The following SHTN1 variants were observed in gnomAD, a reference collection of about 807,000 sequenced individuals.
SHTN1 encodes the protein shootin-1.
A neutral mutation model predicts 83.1 loss-of-function variants in SHTN1; 42 were observed. The ratio of observed to expected loss-of-function variants is 0.51; its 90% CI spans 0.39 to 0.65. SHTN1 has a LOEUF of 0.65. SHTN1 is among the 30% of genes least tolerant of loss of function. The pLI is 0.00. For synonymous variants in SHTN1, 224 were observed against 247.7 expected, an observed-to-expected ratio of 0.90 and a Z score of 0.90; for missense variants, 622 against 737.8, an observed-to-expected ratio of 0.84 and a Z score of 1.82.
At chr10:116,959,439 A>C (rs1487002315) in intron 4 of SHTN1, among the ~76,000 whole-genome samples, 1 of 152,160 alleles carries the variant, frequency 6.6e-6, no homozygotes, top group African/African-American at 2.4e-5. Flanking sequence ...TGGGTGATGG[A>C]GGGGAGGGAA....
intron 16 of SHTN1, among the ~76,000 whole-genome samples, chr10:116,888,251 C>T (rs565176435): frequency 1.5e-4 from 23 of 152,346 alleles, no homozygotes; most frequent in African/African-American, 4.8e-4. Context: ...CTCCAGACAT[C>T]TGCCGCTATG....
intron 1 of SHTN1, among the ~76,000 whole-genome samples, chr10:117,085,755 C>T (rs1406480265): frequency 1.3e-5 from 2 of 152,136 alleles, no homozygotes; most frequent in African/African-American, 4.8e-5. Flanking sequence ...GTCTATTTCT[C>T]TTTGCAGTTC....
At chr10:116,894,934 T>C (rs574841067) in intron 16 of SHTN1, among the ~76,000 whole-genome samples, 5 of 152,308 alleles carry the variant, frequency 3.3e-5, no homozygotes, top group Admixed American at 3.3e-4. Flanking sequence ...CTTACCTCTT[T>C]CTCCATACTG....
chr10:116,979,079 A>G (rs1490898174), intron 2 of SHTN1, among the ~76,000 whole-genome samples, 177 bp downstream of exon 2: 1 of 152,184 alleles, frequency 6.6e-6, no homozygotes, highest in Non-Finnish European at 1.5e-5. Flanking sequence ...ATTCTTTACC[A>G]TCTGGAGCCT....
chr10:117,080,966 C>T lies in SHTN1; in HGVS notation c.-188-32456G>A, dbSNP rs370369206. ...CAATGGGGTTTTCTAGATATACAATCATGTCATCTGCAAACAGGGACAATT... is the reference window on the plus strand; with the variant it reads ...CAATGGGGTTTTCTAGATATACAATTATGTCATCTGCAAACAGGGACAATT... On this transcript the variant is annotated intron_variant, in intron 1 of 17. Coordinates refer to the SHTN1 transcript ENST00000392901. 2.8e-4 allele frequency among the ~76,000 whole-genome samples: 43 copies of T among 150,966 alleles called. 2 individuals carry two copies. In the South Asian group the frequency reaches 8.7e-3, roughly 30 times the overall value.
At position 116,948,974 on chromosome 10, in the gene SHTN1, C is replaced by T. The variant is rs772929190; in HGVS notation, c.558G>A (p.Lys186=). 2.6e-6 allele frequency: 4 copies of T among 1,565,684 alleles called. No homozygotes were observed. Among genetic ancestry groups the T allele is most frequent in the Non-Finnish European group, 3.5e-6 (4 of 1,156,546 alleles). The change falls in exon 7 of 17, where the codon AAG becomes AAA. Residue 186 remains lysine, a synonymous_variant. Coordinates refer to ENST00000355371, the MANE Select transcript of SHTN1 (RefSeq NM_001127211.3). The part of the protein sequence containing the change: ...IEEVNKVKQE[K]TVLNSEVLEQ... ...CAAGAACTTCTGAATTTAAAACAGT[C>T]TTTTCTTGTTTAACTTTATTTACCT...
At chr10:117,074,794 G>A (rs945072546) in intron 1 of SHTN1, among the ~76,000 whole-genome samples, 5 of 152,166 alleles carry the variant, frequency 3.3e-5, no homozygotes, top group African/African-American at 9.7e-5. Context: ...AAGAAGTCCA[G>A]GGACAATAAA....
rs538784183 is a variant in SHTN1 at position 116,954,279 on chromosome 10, G to A, written c.268-69C>T. Reference sequence around the variant, plus strand: ...GAGTATCTTGGATTTTTAAACAATAGACAAATTAAGTATATTTTTGTCTTA... The same window carrying A: ...GAGTATCTTGGATTTTTAAACAATAAACAAATTAAGTATATTTTTGTCTTA... On this transcript the variant is annotated intron_variant, in intron 4 of 16. Transcript: ENST00000355371. The A allele has an allele frequency of 1.1e-3, 1,094 of 998,246 alleles. 23 individuals carry two copies. In the South Asian group the frequency reaches 0.018, roughly 16 times the overall value. 61.8% of individuals were successfully genotyped at this position (998,246 alleles called of 1,614,324 possible).
chr10:116,905,287 C>T (rs1847926210), intron 15 of SHTN1, among the ~76,000 whole-genome samples: 1 of 151,472 alleles, frequency 6.6e-6, no homozygotes, highest in East Asian at 1.9e-4. Flanking sequence ...GACTCAAGCA[C>T]TGATTAAGTC....
chr10:117,034,598 AC>A (rs1276592724), intron 2 of SHTN1, among the ~76,000 whole-genome samples: 1 of 152,028 alleles, frequency 6.6e-6, no homozygotes, highest in Admixed American at 6.6e-5. Context: ...CTGAGATTGT[AC>A]CACTGAACTC....
chr10:117,054,366 C>T (rs9787575), intron 1 of SHTN1, among the ~76,000 whole-genome samples: 18,431 of 151,722 alleles, frequency 0.12, 1,383 homozygotes, highest in Admixed American at 0.18. Flanking sequence ...AGGTCTGTTT[C>T]ATCCAGTATA....
chr10:117,073,349 C>T (rs1853110971), intron 1 of SHTN1, among the ~76,000 whole-genome samples: 1 of 152,174 alleles, frequency 6.6e-6, no homozygotes, highest in Non-Finnish European at 1.5e-5. Flanking sequence ...AGGCACTGTA[C>T]TACTTATGTG....
intron 1 of SHTN1, among the ~76,000 whole-genome samples, chr10:117,119,541 C>A (rs1431425247): frequency 6.6e-6 from 1 of 152,108 alleles, no homozygotes; most frequent in Non-Finnish European, 1.5e-5. Flanking sequence ...ATAAGCAATA[C>A]CAAATACTGG....
intron 1 of SHTN1, among the ~76,000 whole-genome samples, chr10:117,063,020 A>G (rs529087940): frequency 1.3e-5 from 2 of 152,320 alleles, no homozygotes; most frequent in East Asian, 1.9e-4. Context: ...AATACTAACC[A>G]TAAATGGAGA....
intron 1 of SHTN1, among the ~76,000 whole-genome samples, chr10:116,985,909 T>C (rs992389418): frequency 7.2e-5 from 11 of 152,222 alleles, no homozygotes; most frequent in African/African-American, 2.2e-4. Flanking sequence ...GTAACTTACT[T>C]GTTAATTAAA....
intron 9 of SHTN1, among the ~76,000 whole-genome samples, chr10:116,934,593 A>G (rs989677943): frequency 6.6e-6 from 1 of 152,182 alleles, no homozygotes; most frequent in Admixed American, 6.5e-5. Context: ...GTTTGAAGCC[A>G]GGCAGTGTGA....
At chr10:116,996,870 T>A (rs925631904) in intron 1 of SHTN1, among the ~76,000 whole-genome samples, 1 of 152,194 alleles carries the variant, frequency 6.6e-6, no homozygotes, top group Non-Finnish European at 1.5e-5. Context: ...GCCAATCACT[T>A]ATCTACAACC....
chr10:116,943,457 G>A (rs1461834170), intron 8 of SHTN1, among the ~76,000 whole-genome samples: 1 of 152,076 alleles, frequency 6.6e-6, no homozygotes, highest in African/African-American at 2.4e-5. Context: ...CATTATCCCT[G>A]CTTCCCCTCC....
rs34407973 is a variant in SHTN1 at position 117,098,224 on chromosome 10, T to TA, written c.-189+28082dup. Among the ~76,000 whole-genome samples, 294 of 113,422 alleles carry TA rather than the reference T, an allele frequency of 2.6e-3. 2 individuals carry two copies. The highest frequency in any genetic ancestry group is 8.7e-3 in the African/African-American group (250 of 28,828). The allele number at this position is 113,422 out of a possible 152,430, so 74.4% of individuals were successfully genotyped here. A position where few individuals can be genotyped will look rare whatever the true frequency, so the allele number is the denominator to read the frequency against. ...TAACACGGTGAAATCCCGTCTCTAC[T>TA]AAAAAAAAAAAAAAAAAAAAAAATT... On this transcript the variant is annotated intron_variant, in intron 1 of 17. Coordinates refer to the SHTN1 transcript ENST00000392901.
Sources: allele counts gnomAD v4.1 joint callset (sites outside exome capture counted in the v4.1 genomes callset), GRCh38; gene constraint gnomAD v4.1.1; transcripts MANE v1.5; gene names NCBI Gene and HGNC (gene_info 2026-07-23, HGNC 2026-07-21).